Variants in OSBPL6 observed in about 807,000 individuals in gnomAD.
OSBPL6 encodes the protein oxysterol-binding protein-related protein 6.
Under a neutral mutation model 125.8 loss-of-function variants are expected in OSBPL6, and 49 were observed. The observed-to-expected ratio is 0.39, with a 90% CI of 0.31 to 0.49. OSBPL6 has a LOEUF of 0.49. OSBPL6 is among the 20% of genes least tolerant of loss of function. The pLI, the probability that OSBPL6 is intolerant of heterozygous loss-of-function variation, is 0.88. For synonymous variants in OSBPL6, 394 were observed against 391.8 expected (o/e 1.01, Z -0.07); for missense variants, 986 against 1,135.4 (o/e 0.87, Z 1.89).
chr2:178,329,544 G>C (rs1423697415), intron 5 of OSBPL6, among the ~76,000 whole-genome samples: 1 of 151,304 alleles, frequency 6.6e-6, no homozygotes, highest in Non-Finnish European at 1.5e-5. Flanking sequence ...CCTCCCTCCA[G>C]AGTAGCTGGG....
chr2:178,302,944 A>C (rs1162626108), intron 2 of OSBPL6, among the ~76,000 whole-genome samples: 1 of 152,216 alleles, frequency 6.6e-6, no homozygotes, highest in East Asian at 1.9e-4. Context: ...AACGCATCAC[A>C]AAAGTACCTC....
chr2:178,343,255 C>T (rs1574922027), intron 11 of OSBPL6, among the ~76,000 whole-genome samples: 1 of 152,076 alleles, frequency 6.6e-6, no homozygotes, highest in East Asian at 1.9e-4. Context: ...GGCAAGGTGG[C>T]TCATGCCTGT....
Position 178,392,551 on chromosome 2 carries a change from G to A in OSBPL6, c.2573+13G>A. 6.2e-7 allele frequency: 1 copy of A among 1,613,516 alleles called. No homozygotes were observed. Among genetic ancestry groups the A allele is most frequent in the Non-Finnish European group, 8.5e-7 (1 of 1,179,788 alleles). On this transcript the variant is annotated intron_variant, in intron 23 of 24. Coordinates refer to ENST00000190611, the MANE Select transcript of OSBPL6 (RefSeq NM_032523.4). ...GGCCAGATCAAAGGTGAGGATGGCA[G>A]TGGTATTTAATATGCAGACTATGGC...
intron 1 of OSBPL6, among the ~76,000 whole-genome samples, chr2:178,255,325 A>G (rs2154007420): frequency 6.6e-6 from 1 of 152,310 alleles, no homozygotes; most frequent in Non-Finnish European, 1.5e-5. Context: ...AAAAACAAAA[A>G]ACAAACAAAA....
chr2:178,195,151 C>G (rs574937584), intron 1 of OSBPL6, among the ~76,000 whole-genome samples: 2 of 152,212 alleles, frequency 1.3e-5, no homozygotes, highest in African/African-American at 4.8e-5. Context: ...TACGCCGCAC[C>G]TTTCAGGGAA....
intron 1 of OSBPL6, among the ~76,000 whole-genome samples, chr2:178,220,778 G>A (rs1290021107): frequency 6.6e-6 from 1 of 152,194 alleles, no homozygotes; most frequent in Non-Finnish European, 1.5e-5. Flanking sequence ...TGTCTATGCA[G>A]CCATACTCTG....
At chr2:178,356,019 CT>C (rs1251541085) in intron 12 of OSBPL6, among the ~76,000 whole-genome samples, 1 of 152,226 alleles carries the variant, frequency 6.6e-6, no homozygotes, top group Admixed American at 6.5e-5. Flanking sequence ...CAGAAAAGGC[CT>C]TTGACAAAAT....
chr2:178,282,341 CT>C lies in OSBPL6; in HGVS notation c.-350-2584del, dbSNP rs1304247707. 2.0e-5 allele frequency among the ~76,000 whole-genome samples: 3 copies of C among 152,294 alleles called. No individual in the cohort carries two copies. In the South Asian group the frequency reaches 6.2e-4, roughly 32 times the overall value. On this transcript the variant is annotated intron_variant, in intron 1 of 24. Coordinates refer to ENST00000190611, the MANE Select transcript of OSBPL6 (RefSeq NM_032523.4). ...ATATGGTTAGTGAGATTCAACTTGT[CT>C]TATCCCTCCCCTCTGCTGCTGCTTA...
At chr2:178,367,963 G>A (rs1373516863) in intron 13 of OSBPL6, among the ~76,000 whole-genome samples, 5 of 152,080 alleles carry the variant, frequency 3.3e-5, no homozygotes. Flanking sequence ...TGGTTCCAGG[G>A]GCTGGTCCTC....
chr2:178,379,362 A>G (rs13409503), intron 15 of OSBPL6, among the ~76,000 whole-genome samples: 1 of 144,308 alleles, frequency 6.9e-6, no homozygotes. Flanking sequence ...GAGGGGAAGG[A>G]AGGAAAGGGA....
At chr2:178,382,989 C>A in intron 16 of OSBPL6, 35 bp from the exon 17 acceptor site, 1 of 1,608,754 alleles carries the variant, frequency 6.2e-7, no homozygotes. Context: ...ATCAGAACAG[C>A]AAAGTGTCCT....
chr2:178,312,020 C>T (rs1262047620), intron 3 of OSBPL6, among the ~76,000 whole-genome samples: 8 of 152,098 alleles, frequency 5.3e-5, no homozygotes, highest in African/African-American at 1.2e-4. Flanking sequence ...CTTAGTCTGT[C>T]GCCCAGGCTG....
rs1458816476 is a variant in OSBPL6, at chr2:178,339,000, A to T, written c.800A>T (p.His267Leu). ...TCTGATTTCTTATTAGATCTTGCACATTGCCAGTCAAACCTTGTGGAACTT... is the reference window on the plus strand; with the variant it reads ...TCTGATTTCTTATTAGATCTTGCACTTTGCCAGTCAAACCTTGTGGAACTT... ...EMDRCAEDLAHCQSNLVELSK... is the reference protein window; with the variant it reads ...EMDRCAEDLALCQSNLVELSK... The change falls in exon 10 of 25, where the codon CAT becomes CTT. Residue 267 changes from histidine (H) to leucine (L), a missense_variant. By Grantham distance (99) the His-to-Leu change is moderately conservative (BLOSUM62 -3). Coordinates refer to ENST00000190611, the MANE Select transcript of OSBPL6 (RefSeq NM_032523.4). 1.2e-6 allele frequency: 2 copies of T among 1,611,590 alleles called. No homozygotes were observed. Among genetic ancestry groups the T allele is most frequent in the African/African-American group, 2.7e-5 (2 of 74,914 alleles).
chr2:178,287,233 C>G (rs1684788625), intron 2 of OSBPL6, among the ~76,000 whole-genome samples: 1 of 150,710 alleles, frequency 6.6e-6, no homozygotes. Context: ...TAGAGTCCAA[C>G]TGGTAATGCC....
At chr2:178,293,534 A>G (rs1303967151) in intron 2 of OSBPL6, among the ~76,000 whole-genome samples, 2 of 152,252 alleles carry the variant, frequency 1.3e-5, no homozygotes, top group East Asian at 3.9e-4. Context: ...GTAGGTGTAT[A>G]TATTTATGGG....
intron 13 of OSBPL6, among the ~76,000 whole-genome samples, chr2:178,366,698 G>A (rs1416657012): frequency 6.6e-6 from 1 of 152,142 alleles, no homozygotes; most frequent in East Asian, 1.9e-4. Context: ...CATCCTCCCT[G>A]TCCACAACAT....
rs116297261 is a variant in OSBPL6 at position 178,278,072 on chromosome 2, C to T, written c.-350-6855C>T. 5.4e-3 allele frequency among the ~76,000 whole-genome samples: 828 copies of T among 152,244 alleles called. 15 individuals carry two copies. Among genetic ancestry groups the T allele is most frequent in the African/African-American group, 0.019 (791 of 41,556 alleles). The stretch of plus-strand genomic sequence containing the variant: ...CTCTGAACTACAGACTACACTTTCC[C>T]GTCTCTTGATTTTCATATACTTTTC... On this transcript the variant is annotated intron_variant, in intron 1 of 24. Transcript: ENST00000190611.
intron 1 of OSBPL6, among the ~76,000 whole-genome samples, chr2:178,215,099 A>T (rs554344657): frequency 0.01 from 1,393 of 133,480 alleles, 18 homozygotes; most frequent in African/African-American, 0.035. Flanking sequence ...ATTATCCTTT[A>T]AAAAAAAAAA....
At chr2:178,318,702 T>A (rs898735812) in intron 3 of OSBPL6, among the ~76,000 whole-genome samples, 3 of 152,196 alleles carry the variant, frequency 2.0e-5, no homozygotes, top group Non-Finnish European at 4.4e-5. Flanking sequence ...CAAATTTTGA[T>A]GTCCTGATCA....
Sources: gnomAD v4.1 joint callset for allele counts (sites outside exome capture counted in the v4.1 genomes callset) on GRCh38, gnomAD v4.1.1 for gene constraint, MANE v1.5 for transcripts, NCBI Gene and HGNC (gene_info 2026-07-23, HGNC 2026-07-21) for gene names.